QPRT: variants seen among roughly 807,000 people sequenced by gnomAD.
QPRT encodes the protein nicotinate-nucleotide pyrophosphorylase [carboxylating].
QPRT carries 17 observed loss-of-function variants against 19.8 expected under a neutral mutation model. That is an observed-to-expected ratio of 0.86 (90% CI 0.59 to 1.29). The LOEUF is 1.29. Among genes scored for constraint, QPRT ranks in the 50% most tolerant of loss-of-function variants. QPRT has a pLI of 0.00. For missense variants in QPRT, 336 were observed against 405.1 expected (o/e 0.83, Z 1.46); for synonymous variants, 178 against 191.0 (o/e 0.93, Z 0.56).
intron 2 of QPRT, among the ~76,000 whole-genome samples, chr16:29,695,484 C>CTTTTTTTTTT (rs962384967): frequency 5.3e-4 from 50 of 93,600 alleles, no homozygotes; most frequent in South Asian, 7.4e-4. Context: ...CTAATTTTTG[C>CTTTTTTTTTT]TTTTTTTTTT....
At chr16:29,680,118 T>C (rs922256233) in intron 1 of QPRT, among the ~76,000 whole-genome samples, 9 of 151,870 alleles carry the variant, frequency 5.9e-5, no homozygotes, top group African/African-American at 1.9e-4. Flanking sequence ...CCGCCACGCC[T>C]GGCTAATTTT....
intron 1 of QPRT, among the ~76,000 whole-genome samples, chr16:29,692,270 TA>T (rs1468390717): frequency 5.3e-5 from 8 of 152,026 alleles, no homozygotes; most frequent in Non-Finnish European, 1.2e-4. Context: ...TTTATTTATT[TA>T]TTTATTTATT....
chr16:29,684,006 C>A (rs554647650), intron 1 of QPRT, among the ~76,000 whole-genome samples: 2 of 152,212 alleles, frequency 1.3e-5, no homozygotes, highest in Middle Eastern at 3.2e-3. Flanking sequence ...GAGCCCCATC[C>A]TCAGTCTTCC....
At position 29,694,757 on chromosome 16, in the gene QPRT, T is replaced by A; in HGVS notation, c.107T>A (p.Val36Asp). 1.2e-6 allele frequency: 2 copies of A among 1,612,542 alleles called. No homozygotes were observed. Among genetic ancestry groups the A allele is most frequent in the Non-Finnish European group, 1.7e-6 (2 of 1,179,138 alleles). Residue 36 changes from valine (V) to aspartate (D), a missense_variant, in exon 2 of 4, where the codon GTC (valine) becomes GAC (aspartate). Physicochemically the swap from Val to Asp is radical, Grantham distance 152 (BLOSUM62 -3). Coordinates refer to ENST00000395384, the MANE Select transcript of QPRT (RefSeq NM_014298.6). Reference protein sequence around the residue: ...DCPGLNYAALVSGAGPSQAAL... With the variant: ...DCPGLNYAALDSGAGPSQAAL... ...CCAGGGCTCAACTACGCAGCCTTGG[T>A]CAGCGGGGCAGGCCCCTCGCAGGCG...
At position 29,694,692 on chromosome 16, in the gene QPRT, C is replaced by T. The variant is rs745491280; in HGVS notation, c.42C>T (p.Thr14=). Residue 14 remains threonine (T), a synonymous_variant, in exon 2 of 4, where the codon ACC becomes ACT. Transcript: ENST00000395384. ...TGGCGCTGCTGCTGCCGCCCGTCAC[C>T]CTGGCAGCCCTGGTGGACAGCTGGC... ...EGLALLLPPV[T]LAALVDSWLR... 22 of 1,553,750 alleles carry T rather than the reference C, an allele frequency of 1.4e-5. No homozygotes were observed. The Middle Eastern group carries it at 5.2e-4, about 37-fold the overall frequency.
intron 1 of QPRT, among the ~76,000 whole-genome samples, chr16:29,680,919 C>T (rs12596940): frequency 0.29 from 43,363 of 151,804 alleles, 6,565 homozygotes; most frequent in East Asian, 0.54. Context: ...CCAGCCTGGG[C>T]GACAGAGCGA....
At chr16:29,692,371 G>A (rs987404939) in intron 1 of QPRT, among the ~76,000 whole-genome samples, 3 of 151,934 alleles carry the variant, frequency 2.0e-5, no homozygotes, top group Non-Finnish European at 2.9e-5. Context: ...ACGAAGTCAG[G>A]AGATTGAGAC....
rs770705825 is a variant in QPRT, at chr16:29,695,126, C to T, written c.476C>T (p.Ser159Leu). 1.6e-5 allele frequency: 26 copies of T among 1,587,640 alleles called. No homozygotes were observed. Among genetic ancestry groups the T allele is most frequent in the Non-Finnish European group, 2.1e-5 (25 of 1,168,242 alleles). Reference sequence around the variant, plus strand: ...GGGCTCCTGGTGGGCGGGGCCGCCTCGCACCGCTACGACCTGGGAGGGCTG... The same window carrying T: ...GGGCTCCTGGTGGGCGGGGCCGCCTTGCACCGCTACGACCTGGGAGGGCTG... ...KYGLLVGGAA[S>L]HRYDLGGLVM... The change falls in exon 2 of 4, where the codon TCG becomes TTG. Residue 159 changes from serine (S) to leucine (L), a missense_variant. Physicochemically the swap from Ser to Leu is moderately radical, Grantham distance 145. Transcript: ENST00000395384.
chr16:29,683,192 A>G (rs1036569218), intron 1 of QPRT, among the ~76,000 whole-genome samples: 1 of 151,338 alleles, frequency 6.6e-6, no homozygotes, highest in African/African-American at 2.4e-5. Flanking sequence ...ACATGGATAA[A>G]TTTTGTATTT....
chr16:29,688,313 A>G (rs181715859), intron 1 of QPRT, among the ~76,000 whole-genome samples: 8 of 151,618 alleles, frequency 5.3e-5, no homozygotes, highest in African/African-American at 1.5e-4. Flanking sequence ...GAGAATGAGG[A>G]CCCCCATCAG....
At chr16:29,696,926 C>G in intron 2 of QPRT, 70 bp from the exon 3 acceptor site, 2 of 1,499,854 alleles carry the variant, frequency 1.3e-6, no homozygotes, top group Non-Finnish European at 1.8e-6. Flanking sequence ...CCTCGCCCTC[C>G]CGGCTCCCTG....
At chr16:29,692,193 G>GGGCC (rs1216035537) in intron 1 of QPRT, among the ~76,000 whole-genome samples, 3 of 152,216 alleles carry the variant, frequency 2.0e-5, no homozygotes, top group Admixed American at 2.0e-4. Context: ...CAGCCATGCA[G>GGGCC]GGCCCATCAC....
chr16:29,691,068 G>GA (rs575478867), intron 1 of QPRT, among the ~76,000 whole-genome samples: 3 of 149,882 alleles, frequency 2.0e-5, no homozygotes, highest in Non-Finnish European at 4.4e-5. Context: ...GAAAAAAAAA[G>GA]AAAAAAATCA....
At chr16:29,681,490 A>ATTT (rs573949264) in intron 1 of QPRT, among the ~76,000 whole-genome samples, 2 of 69,740 alleles carry the variant, frequency 2.9e-5, no homozygotes, top group African/African-American at 6.0e-5. Flanking sequence ...TCAGATCCAG[A>ATTT]TTCTTTTTTT....
chr16:29,692,720 C>G (rs1458873159), intron 1 of QPRT, among the ~76,000 whole-genome samples: 1 of 152,104 alleles, frequency 6.6e-6, no homozygotes, highest in Admixed American at 6.6e-5. Context: ...ACTGCAGGCG[C>G]CACAGTGGCG....
intron 1 of QPRT, among the ~76,000 whole-genome samples, chr16:29,693,501 C>T (rs549442532): frequency 2.0e-5 from 3 of 152,016 alleles, no homozygotes; most frequent in Admixed American, 2.0e-4. Flanking sequence ...TCAGGTGATC[C>T]ACCTGCCTCA....
intron 1 of QPRT, among the ~76,000 whole-genome samples, chr16:29,687,001 A>G (rs1480822605): frequency 6.6e-6 from 1 of 152,232 alleles, no homozygotes; most frequent in Non-Finnish European, 1.5e-5. Context: ...TCTTTCTCTT[A>G]CTTGTCAGGC....
At chr16:29,681,557 C>T (rs548908321) in intron 1 of QPRT, among the ~76,000 whole-genome samples, 25 of 128,968 alleles carry the variant, frequency 1.9e-4, no homozygotes, top group Admixed American at 7.8e-4. Flanking sequence ...AGTGCAGTGG[C>T]ATGATCTTGG....
rs763908774 is a variant in QPRT at position 29,695,137 on chromosome 16, G to A, written c.487G>A (p.Asp163Asn). ...GGGCGGGGCCGCCTCGCACCGCTAC[G>A]ACCTGGGAGGGCTGGTGATGGTGAA... ...LVGGAASHRY[D>N]LGGLVMVKDN... Residue 163 changes from aspartate (D) to asparagine (N), a missense_variant, in exon 2 of 4, where the codon GAC becomes AAC. Asp to Asn is a conservative substitution (Grantham distance 23, BLOSUM62 1). Coordinates refer to ENST00000395384, the MANE Select transcript of QPRT (RefSeq NM_014298.6). The A allele has an allele frequency of 9.3e-5, 148 of 1,583,010 alleles. No individual in the cohort carries two copies. Among genetic ancestry groups the A allele is most frequent in the Non-Finnish European group, 1.2e-4 (139 of 1,165,574 alleles).
Sources: gnomAD v4.1 joint callset for allele counts (sites outside exome capture counted in the v4.1 genomes callset) on GRCh38, gnomAD v4.1.1 for gene constraint, MANE v1.5 for transcripts, NCBI Gene and HGNC (gene_info 2026-07-23, HGNC 2026-07-21) for gene names.